Variants in SLIT3 observed in about 807,000 individuals in gnomAD.
SLIT3 encodes the protein slit guidance ligand 3, also known as slit homolog 3 protein.
In SLIT3, 68 loss-of-function variants were observed where a neutral mutation model predicts 184.0. The observed-to-expected ratio is 0.37, with a 90% CI of 0.30 to 0.45. SLIT3 has a LOEUF of 0.45. SLIT3 is among the 20% of genes least tolerant of loss of function. The probability of loss-of-function intolerance (pLI) is 1.00; values close to 1 mark genes in which losing one functional copy is unlikely to be tolerated. For missense variants in SLIT3, 1,707 were observed against 2,026.0 expected, an observed-to-expected ratio of 0.84 and a Z score of 3.02; for synonymous variants, 831 against 828.6, an observed-to-expected ratio of 1.00 and a Z score of -0.05.
At chr5:168,751,127 GGCGAGGAGCCCCACGGA>G (rs1403482720) in intron 18 of SLIT3, among the ~76,000 whole-genome samples, 1 of 152,090 alleles carries the variant, frequency 6.6e-6, no homozygotes, top group Non-Finnish European at 1.5e-5. Context: ...ATGGGAAAAT[GGCGAGGAGCCCCACGGA>G]GCTAGAATGG....
intron 15 of SLIT3, among the ~76,000 whole-genome samples, chr5:168,761,367 G>A (rs1023014513): frequency 2.6e-5 from 4 of 152,034 alleles, no homozygotes; most frequent in African/African-American, 9.7e-5. Context: ...AACTTCACAG[G>A]TATTCAGGGA....
rs1761011334 is a variant in SLIT3, at chr5:168,665,703, G to GTGGGTTCAGATAC, written c.*738_*750dup. Reference sequence around the variant, plus strand: ...CAGGAAGGAGAAGAGGGGTCCCCCAGTGGGTTCAGATACGGAAGCCAGGGC... The same window carrying GTGGGTTCAGATAC: ...CAGGAAGGAGAAGAGGGGTCCCCCAGTGGGTTCAGATACTGGGTTCAGATACGGAAGCCAGGGC... On this transcript the variant is annotated 3_prime_UTR_variant, in exon 36 of 36. Transcript: ENST00000519560. 1 of 149,968 alleles carries GTGGGTTCAGATAC rather than the reference G, an allele frequency of 6.7e-6. No individual in the cohort carries two copies. Among genetic ancestry groups the GTGGGTTCAGATAC allele is most frequent in the Non-Finnish European group, 1.4e-5 (1 of 69,026 alleles). The allele number at this position is 149,968 out of a possible 1,614,324, so 9.3% of individuals were successfully genotyped here.
rs1379057791 is a variant in SLIT3 at position 168,956,529 on chromosome 5, C to A, written c.414-73193G>T. Among the ~76,000 whole-genome samples, 4 of 152,336 alleles carry A rather than the reference C, an allele frequency of 2.6e-5. No homozygotes were observed. In the East Asian group the frequency reaches 7.7e-4, roughly 29 times the overall value. On this transcript the variant is annotated intron_variant, in intron 4 of 35. Coordinates refer to ENST00000519560, the MANE Select transcript of SLIT3 (RefSeq NM_003062.4). ...TCACAGAGGGGGCCAGGCATGGTGG[C>A]TCACATCTGTAATCCCAGCACATTG...
At chr5:168,840,576 T>C (rs1449253991) in intron 6 of SLIT3, among the ~76,000 whole-genome samples, 1 of 152,086 alleles carries the variant, frequency 6.6e-6, no homozygotes, top group Non-Finnish European at 1.5e-5. Flanking sequence ...GCACAGTGCA[T>C]CCTGACCACA....
chr5:169,204,378 A>G (rs1763996196), intron 3 of SLIT3, among the ~76,000 whole-genome samples: 1 of 152,196 alleles, frequency 6.6e-6, no homozygotes. Context: ...ATAAAAAGGA[A>G]CAATGATGTT....
intron 5 of SLIT3, among the ~76,000 whole-genome samples, chr5:168,845,335 A>G (rs970522414): frequency 6.6e-6 from 1 of 152,220 alleles, no homozygotes; most frequent in African/African-American, 2.4e-5. Flanking sequence ...GACTAAATAC[A>G]GATTCCCTCA....
At position 169,128,292 on chromosome 5, in the gene SLIT3, T is replaced by G. The variant is rs1761159710; in HGVS notation, c.413+65187A>C. Among the ~76,000 whole-genome samples, 6 of 148,292 alleles carry G rather than the reference T, an allele frequency of 4.0e-5. No homozygotes were observed. In the South Asian group the frequency reaches 1.3e-3, roughly 31 times the overall value. On this transcript the variant is annotated intron_variant, in intron 4 of 35. Coordinates refer to ENST00000519560, the MANE Select transcript of SLIT3 (RefSeq NM_003062.4). ...TATATATTTATATATATATATATAATTTATATGTGTGCATATATAAATTTT... is the reference window on the plus strand; with the variant it reads ...TATATATTTATATATATATATATAAGTTATATGTGTGCATATATAAATTTT...
chr5:169,238,639 G>C (rs1009656267), intron 3 of SLIT3, among the ~76,000 whole-genome samples: 6 of 137,982 alleles, frequency 4.3e-5, no homozygotes, highest in African/African-American at 1.6e-4. Context: ...TCCAAGATTT[G>C]ACTCTTCTGG....
At chr5:168,668,879 C>CT (rs1404098420) in intron 35 of SLIT3, among the ~76,000 whole-genome samples, 1 of 152,254 alleles carries the variant, frequency 6.6e-6, no homozygotes, top group Admixed American at 6.5e-5. Context: ...AAATGATTCT[C>CT]TTGCCTCGCC....
chr5:168,838,655 G>A (rs1451328002), intron 6 of SLIT3, among the ~76,000 whole-genome samples: 1 of 152,068 alleles, frequency 6.6e-6, no homozygotes, highest in African/African-American at 2.4e-5. Context: ...CCTGTACCAG[G>A]ACACCAACCC....
chr5:168,759,913 C>G lies in SLIT3; in HGVS notation c.1685+949G>C, dbSNP rs930703291. On this transcript the variant is annotated intron_variant, in intron 16 of 35. Transcript: ENST00000519560. ...TAAGGCAGAGGGGCCAAAGAGTGCC[C>G]CCCTGGGGATTAGATGGTAAAGAGC... is the stretch of plus-strand genomic sequence containing the variant. Among the ~76,000 whole-genome samples the G allele has an allele frequency of 2.6e-5, 4 of 152,124 alleles. No homozygotes were observed. The South Asian group carries it at 8.3e-4, about 32-fold the overall frequency.
chr5:168,708,038 T>C lies in SLIT3; in HGVS notation c.2782A>G (p.Asn928Asp). 6.2e-7 allele frequency: 1 copy of C among 1,614,190 alleles called. No homozygotes were observed. Among genetic ancestry groups the C allele is most frequent in the South Asian group, 1.1e-5 (1 of 91,084 alleles). The change falls in exon 26 of 36, where the codon AAC becomes GAC. Residue 928 changes from asparagine to aspartate, a missense_variant. This residue lies in a region of SLIT3 where 1,307 missense variants were observed against 1,511.6 expected (regional missense o/e 0.86). Transcript: ENST00000519560. ...NACLSSPCKN[N>D]GTCTQDPVEL... ...ACAGGGTCCTGGGTGCATGTCCCGT[T>C]ATTCTTGCACGGGCTGGAGAGGCAG...
At chr5:169,263,610 C>A in intron 1 of SLIT3, 1 of 481,598 alleles carries the variant, frequency 2.1e-6, no homozygotes, top group Admixed American at 2.6e-5. Flanking sequence ...ATTGTTACAG[C>A]AGCCCTAGCA....
At position 168,786,991 on chromosome 5, in the gene SLIT3, A is replaced by G. The variant is rs1450135201; in HGVS notation, c.1080-1013T>C. On this transcript the variant is annotated intron_variant, in intron 11 of 35. Transcript: ENST00000519560. ...TCACTCGGATCGCAATCCAGGCTGT[A>G]ATCCTTCTTTGAGGAGACAAAATAT... Among the ~76,000 whole-genome samples the G allele has an allele frequency of 2.0e-5, 3 of 152,220 alleles. No homozygotes were observed. In the South Asian group the frequency reaches 6.2e-4, roughly 32 times the overall value.
chr5:169,025,737 G>T (rs1456898749), intron 4 of SLIT3, among the ~76,000 whole-genome samples: 1 of 152,076 alleles, frequency 6.6e-6, no homozygotes, highest in African/African-American at 2.4e-5. Flanking sequence ...AATGTTGTCA[G>T]GAAAAGAATT....
At position 168,744,881 on chromosome 5, in the gene SLIT3, C is replaced by T. The variant is rs182490424; in HGVS notation, c.2270+3421G>A. ...TGCTAACATAACATCCATTCTGCAGCCCATGGATCAAGGAGTAATTTCAAC... is the reference window on the plus strand; with the variant it reads ...TGCTAACATAACATCCATTCTGCAGTCCATGGATCAAGGAGTAATTTCAAC... On this transcript the variant is annotated intron_variant, in intron 20 of 35. Transcript: ENST00000519560. 5.3e-5 allele frequency among the ~76,000 whole-genome samples: 8 copies of T among 152,276 alleles called. No individual in the cohort carries two copies. In the East Asian group the frequency reaches 1.5e-3, roughly 29 times the overall value.
At chr5:169,225,623 G>A (rs918376) in intron 3 of SLIT3, among the ~76,000 whole-genome samples, 115 of 152,350 alleles carry the variant, frequency 7.5e-4, no homozygotes, top group Middle Eastern at 3.4e-3. Flanking sequence ...ACTGGAGTGG[G>A]GCCACGCCCG....
At chr5:169,018,152 AC>A (rs1456562748) in intron 4 of SLIT3, among the ~76,000 whole-genome samples, 1 of 152,126 alleles carries the variant, frequency 6.6e-6, no homozygotes, top group Middle Eastern at 3.2e-3. Context: ...CTCAGGCCCC[AC>A]CCCAGAAAAC....
At position 168,696,445 on chromosome 5, in the gene SLIT3, G is replaced by C; in HGVS notation, c.2943-14C>G. ...GGGCAGGAGCAGCTTTGGGATGTGAGGGGTGGAGAGCAGGGGAGTCAGGGG... is the reference window on the plus strand; with the variant it reads ...GGGCAGGAGCAGCTTTGGGATGTGACGGGTGGAGAGCAGGGGAGTCAGGGG... On this transcript the variant is annotated splice_polypyrimidine_tract_variant and intron_variant, in intron 27 of 35. Coordinates refer to ENST00000519560, the MANE Select transcript of SLIT3 (RefSeq NM_003062.4). 2.5e-6 allele frequency: 4 copies of C among 1,613,962 alleles called. No homozygotes were observed. Among genetic ancestry groups the C allele is most frequent in the Non-Finnish European group, 2.5e-6 (3 of 1,179,998 alleles).
Sources: gnomAD v4.1 joint callset for allele counts (sites outside exome capture counted in the v4.1 genomes callset) on GRCh38, gnomAD v4.1.1 for gene constraint, gnomAD v4.1.1 regional missense constraint, MANE v1.5 for transcripts, NCBI Gene and HGNC (gene_info 2026-07-23, HGNC 2026-07-21) for gene names.